Variants in BPTF observed in about 807,000 individuals in gnomAD.
BPTF encodes bromodomain PHD finger transcription factor, also known as nucleosome-remodeling factor subunit BPTF.
Under a neutral mutation model 292.5 loss-of-function variants are expected in BPTF, and 18 were observed. The observed-to-expected ratio is 0.06, with a 90% CI of 0.04 to 0.09. The LOEUF (loss-of-function observed/expected upper bound fraction) is 0.09. BPTF is among the 10% of genes least tolerant of loss of function. The pLI, the probability that BPTF is intolerant of heterozygous loss-of-function variation, is 1.00. For synonymous variants in BPTF, 1,225 were observed against 1,251.9 expected, an observed-to-expected ratio of 0.98 and a Z score of 0.45; for missense variants, 2,726 against 3,498.7, an observed-to-expected ratio of 0.78 and a Z score of 5.57.
chr17:67,869,833 A>G (rs1283819908), intron 3 of BPTF, among the ~76,000 whole-genome samples: 2 of 143,966 alleles, frequency 1.4e-5, no homozygotes, highest in Admixed American at 6.9e-5. Context: ...AATACAAAAA[A>G]AAAAAAAAAA....
chr17:67,967,301 C>T (rs2068226990), intron 26 of BPTF, among the ~76,000 whole-genome samples: 1 of 150,192 alleles, frequency 6.7e-6, no homozygotes, highest in South Asian at 2.1e-4. Flanking sequence ...ACCACCATAC[C>T]CAGCTAATTT....
intron 15 of BPTF, among the ~76,000 whole-genome samples, chr17:67,927,910 G>A (rs542633148): frequency 1.4e-4 from 21 of 151,662 alleles, no homozygotes; most frequent in African/African-American, 5.1e-4. Context: ...TTTAGAGATG[G>A]AGTCACTCTG....
chr17:67,952,781 C>A (rs765112656), intron 23 of BPTF, among the ~76,000 whole-genome samples: 1 of 152,134 alleles, frequency 6.6e-6, no homozygotes, highest in Non-Finnish European at 1.5e-5. Flanking sequence ...CCTAATGTAA[C>A]GTATTCATCA....
At chr17:67,953,260 C>CT (rs57310551) in intron 23 of BPTF, among the ~76,000 whole-genome samples, 9,737 of 122,882 alleles carry the variant, frequency 0.079, 350 homozygotes, top group South Asian at 0.14. Context: ...CGCGCCTGGC[C>CT]TTTTTTTTTT....
intron 26 of BPTF, among the ~76,000 whole-genome samples, chr17:67,969,147 T>C (rs1407925891): frequency 6.8e-6 from 1 of 147,236 alleles, no homozygotes; most frequent in Non-Finnish European, 1.5e-5. Flanking sequence ...CCAAAAAAAA[T>C]TTTTTTGAAT....
At chr17:67,908,157 C>T (rs909579299) in intron 9 of BPTF, among the ~76,000 whole-genome samples, 8 of 151,978 alleles carry the variant, frequency 5.3e-5, no homozygotes, top group Admixed American at 2.0e-4. Context: ...AGTTTTCTTT[C>T]ATTTTATTTT....
At chr17:67,928,740 G>C in intron 16 of BPTF, 139 bp downstream of exon 16, 1 of 1,159,626 alleles carries the variant, frequency 8.6e-7, no homozygotes, top group Non-Finnish European at 1.2e-6. Context: ...TGTAACGGTT[G>C]GTTTGTTACA....
At position 67,983,299 on chromosome 17, in the gene BPTF, T is replaced by A. The variant is rs574702248; in HGVS notation, c.*1011T>A. On this transcript the variant is annotated 3_prime_UTR_variant, in exon 28 of 28. Coordinates refer to ENST00000306378, the MANE Select transcript of BPTF (RefSeq NM_182641.4). ...TGGCCCCTCGTTTTATCATTCCCAG[T>A]CCATTGTCATCACGTCAGAGAAAAA... 6.5e-6 allele frequency: 1 copy of A among 152,758 alleles called. No individual in the cohort carries two copies. The highest frequency in any genetic ancestry group is 3.4e-3 in the Middle Eastern group (1 of 294). The allele number at this position is 152,758 out of a possible 1,614,324, so 9.5% of individuals were successfully genotyped here.
intron 9 of BPTF, among the ~76,000 whole-genome samples, chr17:67,908,779 C>T (rs1359396395): frequency 6.6e-6 from 1 of 151,066 alleles, no homozygotes; most frequent in Admixed American, 6.6e-5. Context: ...GCATAAGCCA[C>T]TACACCCATC....
chr17:67,915,261 T>C (rs917307667), intron 11 of BPTF, among the ~76,000 whole-genome samples: 1 of 152,182 alleles, frequency 6.6e-6, no homozygotes, highest in Non-Finnish European at 1.5e-5. Context: ...CATTTTCACA[T>C]TGAACTGATA....
intron 4 of BPTF, among the ~76,000 whole-genome samples, chr17:67,879,266 C>A (rs1019839706): frequency 1.3e-5 from 2 of 151,612 alleles, no homozygotes; most frequent in Non-Finnish European, 2.9e-5. Flanking sequence ...CTCAGCCTCC[C>A]AAATAGCTGG....
At chr17:67,870,359 C>T (rs1316020268) in intron 3 of BPTF, among the ~76,000 whole-genome samples, 1 of 150,426 alleles carries the variant, frequency 6.6e-6, no homozygotes, top group Non-Finnish European at 1.5e-5. Context: ...GAAGGGGACA[C>T]GGACATTTTT....
intron 4 of BPTF, among the ~76,000 whole-genome samples, chr17:67,881,543 C>T (rs539704896): frequency 1.5e-5 from 2 of 135,822 alleles, no homozygotes; most frequent in East Asian, 4.3e-4. Context: ...GCTCTGTCAC[C>T]CAGGCTGGAG....
chr17:67,873,439 CAA>C (rs899933697), intron 3 of BPTF, among the ~76,000 whole-genome samples: 1 of 129,682 alleles, frequency 7.7e-6, no homozygotes, highest in African/African-American at 2.9e-5. Flanking sequence ...GCCTGGGTGA[CAA>C]GAGCAAAACT....
Position 67,854,826 on chromosome 17 carries a change from G to GAACT in BPTF, c.1436+65_1436+66insACTA. The GAACT allele has an allele frequency of 8.6e-7, 1 of 1,159,906 alleles. No homozygotes were observed. Among genetic ancestry groups the GAACT allele is most frequent in the Non-Finnish European group, 1.2e-6 (1 of 802,078 alleles). 71.9% of individuals were successfully genotyped at this position (1,159,906 alleles called of 1,614,324 possible). A position where few individuals can be genotyped will look rare whatever the true frequency, so the allele number is the denominator to read the frequency against. On this transcript the variant is annotated intron_variant, in intron 2 of 27. Coordinates refer to ENST00000306378, the MANE Select transcript of BPTF (RefSeq NM_182641.4). This position sits in a 1 kb window ranked among gnomAD's most constrained non-coding sequence, Gnocchi z 5.6. ...AATTAGACTAGTTTCCTTCGTGATT[G>GAACT]ATGTAGCAGAGCTATGCTGTTGATG...
rs1189872190 is a variant in BPTF, at chr17:67,911,880, A to C, written c.3996A>C (p.Leu1332Phe). 8 of 1,614,108 alleles carry C rather than the reference A, an allele frequency of 5.0e-6. No homozygotes were observed. The East Asian group carries it at 1.8e-4, about 36-fold the overall frequency. ...REQDVEVLEP[L>F]KCELVSGEST... ...AAGATGTTGAAGTCTTGGAGCCGTTAAAGTGTGAGTTGGTTTCTGGTGAGT... is the reference window on the plus strand; with the variant it reads ...AAGATGTTGAAGTCTTGGAGCCGTTCAAGTGTGAGTTGGTTTCTGGTGAGT... Residue 1332 changes from leucine (L) to phenylalanine (F), a missense_variant, in exon 11 of 28, where the codon TTA (leucine) becomes TTC (phenylalanine). By Grantham distance (22) the Leu-to-Phe change is conservative (BLOSUM62 0). Transcript: ENST00000306378.
At chr17:67,959,425 G>A (rs372103353) in intron 23 of BPTF, 116 bp from the exon 24 acceptor site, 3 of 768,202 alleles carry the variant, frequency 3.9e-6, no homozygotes, top group Non-Finnish European at 1.9e-6. Flanking sequence ...AAACTCTCAC[G>A]TTAGGCTGAA....
intron 4 of BPTF, among the ~76,000 whole-genome samples, chr17:67,876,375 C>G (rs556888276): frequency 3.3e-5 from 5 of 152,148 alleles, no homozygotes; most frequent in Non-Finnish European, 5.9e-5. Context: ...GAGTACTGGT[C>G]AGCAGTGAGC....
chr17:67,931,977 C>G lies in BPTF; in HGVS notation c.6217C>G (p.Leu2073Val). 1 of 1,614,076 alleles carries G rather than the reference C, an allele frequency of 6.2e-7. No individual in the cohort carries two copies. Among genetic ancestry groups the G allele is most frequent in the African/African-American group, 1.3e-5 (1 of 75,028 alleles). ...TAGAACACCACTCCAACAGTCAACA[C>G]TAGGAAAGGCAATTATTCGAACACC... ...VIRTPLQQSTLGKAIIRTPVM... is the reference protein window; with the variant it reads ...VIRTPLQQSTVGKAIIRTPVM... The change falls in exon 18 of 28, where the codon CTA (leucine) becomes GTA (valine). Residue 2073 changes from leucine (L) to valine (V), a missense_variant. By Grantham distance (32) the Leu-to-Val change is conservative. This residue lies in a region of BPTF where 570 missense variants were observed against 633.5 expected (regional missense o/e 0.90). Coordinates refer to ENST00000306378, the MANE Select transcript of BPTF (RefSeq NM_182641.4).
Sources: gnomAD v4.1 joint callset for allele counts (sites outside exome capture counted in the v4.1 genomes callset) on GRCh38, gnomAD v4.1.1 for gene constraint, gnomAD v4.1.1 regional missense constraint, Gnocchi (gnomAD v3.1) non-coding constraint, MANE v1.5 for transcripts, NCBI Gene and HGNC (gene_info 2026-07-23, HGNC 2026-07-21) for gene names.